DEPTOR: variants seen among roughly 807,000 people sequenced by gnomAD.
DEPTOR encodes the protein DEP domain containing MTOR interacting protein, also known as DEP domain-containing mTOR-interacting protein.
Under a neutral mutation model 41.6 loss-of-function variants are expected in DEPTOR, and 41 were observed. The ratio of observed to expected loss-of-function variants is 0.98; its 90% CI spans 0.77 to 1.28. The LOEUF is 1.28. DEPTOR is among the 50% of genes most tolerant of loss of function. The pLI, the probability that DEPTOR is intolerant of heterozygous loss-of-function variation, is 0.00. For synonymous variants in DEPTOR, 195 were observed against 192.3 expected (o/e 1.01, Z -0.12); for missense variants, 514 against 527.9 (o/e 0.97, Z 0.26).
At chr8:119,912,848 G>A (rs1461830661) in intron 1 of DEPTOR, among the ~76,000 whole-genome samples, 1 of 152,180 alleles carries the variant, frequency 6.6e-6, no homozygotes, top group Non-Finnish European at 1.5e-5. Context: ...TGTGTGTGAG[G>A]ATGTATCCTA....
At chr8:120,033,163 C>T (rs1812920283) in intron 8 of DEPTOR, among the ~76,000 whole-genome samples, 1 of 145,272 alleles carries the variant, frequency 6.9e-6, no homozygotes, top group Non-Finnish European at 1.5e-5. Flanking sequence ...TTTCAACTTA[C>T]TGCAACCTCT....
chr8:119,956,424 G>A (rs1828417233), intron 3 of DEPTOR, among the ~76,000 whole-genome samples: 1 of 152,146 alleles, frequency 6.6e-6, no homozygotes, highest in African/African-American at 2.4e-5. Flanking sequence ...GCTCACACTG[G>A]CAGAAGCAGC....
intron 3 of DEPTOR, among the ~76,000 whole-genome samples, chr8:119,950,123 C>G (rs946347472): frequency 6.6e-6 from 1 of 152,148 alleles, no homozygotes; most frequent in Non-Finnish European, 1.5e-5. Context: ...CACCATCTGT[C>G]GAAAGGACGA....
At chr8:119,999,830 G>T (rs1812321111) in intron 4 of DEPTOR, among the ~76,000 whole-genome samples, 1 of 152,170 alleles carries the variant, frequency 6.6e-6, no homozygotes, top group African/African-American at 2.4e-5. Flanking sequence ...CAGTGAAGGA[G>T]GCCATAGAGG....
intron 3 of DEPTOR, 53 bp downstream of exon 3, chr8:119,929,991 A>G (rs1442747983): frequency 8.9e-6 from 14 of 1,579,634 alleles, no homozygotes; most frequent in Non-Finnish European, 1.2e-5. Context: ...AAAGAAGCAG[A>G]ACTGTGCCAG....
chr8:120,013,919 A>C (rs1812571079), intron 8 of DEPTOR, among the ~76,000 whole-genome samples: 1 of 150,720 alleles, frequency 6.6e-6, no homozygotes, highest in Non-Finnish European at 1.5e-5. Context: ...AGCTCACTGC[A>C]ACCTCCACAT....
In DEPTOR at chr8:119,928,690, A is replaced by G. The variant is rs192306007; in HGVS notation, c.301+112A>G. ...TTTTGCTTTATTTTATCTCCAGTGT[A>G]CCTCTCCCTGATTGCATTTTCTTCC... On this transcript the variant is annotated intron_variant, in intron 2 of 8. Transcript: ENST00000286234. The G allele has an allele frequency of 5.1e-3, 5,735 of 1,126,546 alleles. 19 individuals are homozygous for G. The highest frequency in any genetic ancestry group is 7.4e-3 in the Admixed American group (229 of 30,940). The allele number at this position is 1,126,546 out of a possible 1,614,324, so 69.8% of individuals were successfully genotyped here. A position where few individuals can be genotyped will look rare whatever the true frequency, so the allele number is the denominator to read the frequency against.
chr8:119,915,595 C>G (rs771863476), intron 1 of DEPTOR, among the ~76,000 whole-genome samples: 5 of 152,170 alleles, frequency 3.3e-5, no homozygotes, highest in Non-Finnish European at 5.9e-5. Context: ...AGGTTTAACT[C>G]TTATCTGGGA....
intron 3 of DEPTOR, among the ~76,000 whole-genome samples, chr8:119,936,839 C>T (rs887371040): frequency 5.3e-5 from 8 of 151,648 alleles, no homozygotes; most frequent in Middle Eastern, 3.4e-3. Flanking sequence ...GCCTGGCCAA[C>T]CTGGTGAAAC....
intron 1 of DEPTOR, among the ~76,000 whole-genome samples, chr8:119,894,285 C>T (rs1827486399): frequency 6.6e-6 from 1 of 152,010 alleles, no homozygotes; most frequent in African/African-American, 2.4e-5. Context: ...AGGCTGGTCT[C>T]AAACTCCTGG....
intron 3 of DEPTOR, among the ~76,000 whole-genome samples, chr8:119,946,706 C>A (rs1023654374): frequency 6.6e-6 from 1 of 152,048 alleles, no homozygotes; most frequent in East Asian, 1.9e-4. Context: ...TGCACTCCAG[C>A]CTGGGCAACA....
At chr8:119,996,198 T>A (rs1812256615) in intron 4 of DEPTOR, among the ~76,000 whole-genome samples, 1 of 152,136 alleles carries the variant, frequency 6.6e-6, no homozygotes, top group Non-Finnish European at 1.5e-5. Flanking sequence ...AAATCCATCC[T>A]TGAAAATTGA....
intron 3 of DEPTOR, among the ~76,000 whole-genome samples, chr8:119,937,090 A>G (rs1828122662): frequency 6.6e-6 from 1 of 151,926 alleles, no homozygotes; most frequent in Non-Finnish European, 1.5e-5. Flanking sequence ...TGAGATCCTG[A>G]GTTTTACAAA....
At chr8:119,966,449 T>C (rs1828562858) in intron 4 of DEPTOR, among the ~76,000 whole-genome samples, 2 of 152,232 alleles carry the variant, frequency 1.3e-5, no homozygotes, top group African/African-American at 4.8e-5. Flanking sequence ...CCCTTTGCCC[T>C]CTGAAGGTTT....
intron 7 of DEPTOR, among the ~76,000 whole-genome samples, chr8:120,007,966 T>G (rs1812470192): frequency 6.6e-6 from 1 of 152,214 alleles, no homozygotes; most frequent in African/African-American, 2.4e-5. Context: ...TATTTTTGAT[T>G]TTTAATTTAA....
chr8:119,966,411 T>C (rs1229336392), intron 4 of DEPTOR, among the ~76,000 whole-genome samples: 2 of 152,228 alleles, frequency 1.3e-5, no homozygotes, highest in South Asian at 2.1e-4. Flanking sequence ...GCGTAGGTTA[T>C]ACATGTAAGG....
chr8:119,942,138 T>C (rs1317953201), intron 3 of DEPTOR, among the ~76,000 whole-genome samples: 1 of 152,236 alleles, frequency 6.6e-6, no homozygotes, highest in Non-Finnish European at 1.5e-5. Flanking sequence ...CAGCCCTAGA[T>C]TGTCATCTGC....
chr8:120,038,281 A>AG (rs1198871851), intron 8 of DEPTOR, among the ~76,000 whole-genome samples: 21 of 150,360 alleles, frequency 1.4e-4, no homozygotes, highest in Admixed American at 5.3e-4. Flanking sequence ...AAAAAAAAAA[A>AG]AAGAAGAAGA....
rs1297033521 is a variant in DEPTOR, at chr8:120,009,065, C to T, written c.1033C>T (p.Arg345Ter). 4 of 1,613,946 alleles carry T rather than the reference C, an allele frequency of 2.5e-6. No homozygotes were observed. The highest frequency in any genetic ancestry group is 2.5e-6 in the Non-Finnish European group (3 of 1,179,996). Residue 345 changes from arginine (R) to a stop codon, truncating the protein, a stop_gained, in exon 8 of 9, where the codon CGA becomes TGA. Coordinates refer to ENST00000286234, the MANE Select transcript of DEPTOR (RefSeq NM_022783.4). LOFTEE classifies it high-confidence loss of function. ...GDAVGWGFVV[R>*]GSKPCHIQAV... ...CGCGGTTGGCTGGGGTTTTGTGGTG[C>T]GAGGAAGTAAGCCATGCCACATCCA...
Sources: gnomAD v4.1 joint callset for allele counts (sites outside exome capture counted in the v4.1 genomes callset) on GRCh38, gnomAD v4.1.1 for gene constraint, MANE v1.5 for transcripts, NCBI Gene and HGNC (gene_info 2026-07-23, HGNC 2026-07-21) for gene names.